The following MYO1E variants were observed in gnomAD, a reference collection of about 807,000 sequenced individuals.
MYO1E encodes unconventional myosin-Ie.
In MYO1E, 68 loss-of-function variants were observed where a neutral mutation model predicts 151.1. The observed-to-expected ratio is 0.45, with a 90% CI of 0.37 to 0.55. The LOEUF (loss-of-function observed/expected upper bound fraction) is 0.55. Ranked by LOEUF, MYO1E falls within the 20% of genes least tolerant of loss-of-function variation. The pLI, the probability that MYO1E is intolerant of heterozygous loss-of-function variation, is 0.00. For synonymous variants in MYO1E, 601 were observed against 501.7 expected (o/e 1.20, Z -2.64); for missense variants, 1,363 against 1,389.3 (o/e 0.98, Z 0.30).
At position 59,159,473 on chromosome 15, in the gene MYO1E, G is replaced by C. The variant is rs1376518246; in HGVS notation, c.2786-1094C>G. Among the ~76,000 whole-genome samples the C allele has an allele frequency of 6.6e-6, 1 of 152,256 alleles. No individual in the cohort carries two copies. The highest frequency in any genetic ancestry group is 1.5e-5 in the Non-Finnish European group (1 of 68,040). ...AGGCCAACAGGAGGCACTGGAAGGAGACTGGAGTGTCAGGAGGGAGGTGGG... is the reference window on the plus strand; with the variant it reads ...AGGCCAACAGGAGGCACTGGAAGGACACTGGAGTGTCAGGAGGGAGGTGGG... On this transcript the variant is annotated intron_variant, in intron 24 of 27. Coordinates refer to ENST00000288235, the MANE Select transcript of MYO1E (RefSeq NM_004998.4). The surrounding 1 kb of genome is among the most constrained non-coding windows in gnomAD (Gnocchi z 4.4).
intron 26 of MYO1E, among the ~76,000 whole-genome samples, chr15:59,142,823 A>G (rs2079418454): frequency 1.3e-5 from 2 of 151,302 alleles, no homozygotes; most frequent in African/African-American, 4.9e-5. Flanking sequence ...GAAACTCACA[A>G]TGATTTCCCC....
chr15:59,372,780 G>A lies in MYO1E; in HGVS notation c.-280C>T, dbSNP rs912215971. 1.9e-6 allele frequency: 1 copy of A among 534,054 alleles called. No individual in the cohort carries two copies. The highest frequency in any genetic ancestry group is 2.4e-5 in the South Asian group (1 of 40,984). 33.1% of individuals were successfully genotyped at this position (534,054 alleles called of 1,614,324 possible). A position where few individuals can be genotyped will look rare whatever the true frequency, so the allele number is the denominator to read the frequency against. On this transcript the variant is annotated 5_prime_UTR_variant, in exon 1 of 28. Transcript: ENST00000288235. ...TACTCGCCGGTCGCCGCCGGCCCAG[G>A]TGAGTCCGATGCGCTCGGAGCGTCC... is the stretch of plus-strand genomic sequence containing the variant.
chr15:59,191,424 CTT>C lies in MYO1E; in HGVS notation c.1806-3210_1806-3209del, dbSNP rs2079734050. ...TTAAATTGAAAAATAATTAATTTTC[CTT>C]TCTCTCACCCTCCAAATCTAAAACT... On this transcript the variant is annotated intron_variant, in intron 17 of 27. Transcript: ENST00000288235. Among the ~76,000 whole-genome samples, 5 of 150,120 alleles carry C rather than the reference CTT, an allele frequency of 3.3e-5. No homozygotes were observed. The South Asian group carries it at 1.0e-3, about 31-fold the overall frequency.
intron 21 of MYO1E, among the ~76,000 whole-genome samples, chr15:59,173,419 C>A (rs935958800): frequency 8.1e-5 from 12 of 148,836 alleles, no homozygotes; most frequent in South Asian, 4.3e-4. Context: ...GTATTACTAT[C>A]GAAAATTCTC....
At chr15:59,218,621 T>C (rs1454828054) in intron 9 of MYO1E, among the ~76,000 whole-genome samples, 1 of 152,126 alleles carries the variant, frequency 6.6e-6, no homozygotes, top group African/African-American at 2.4e-5. Context: ...GAGGAAAAGA[T>C]AGAAAATATG....
At chr15:59,265,008 C>A (rs2080245176) in intron 2 of MYO1E, 1 of 152,150 alleles carries the variant, frequency 6.6e-6, no homozygotes, top group African/African-American at 2.4e-5. Context: ...AGAGCCAGAC[C>A]CTGGCTCCCA....
chr15:59,232,277 G>T (rs2080032891), intron 5 of MYO1E, among the ~76,000 whole-genome samples: 1 of 152,184 alleles, frequency 6.6e-6, no homozygotes, highest in African/African-American at 2.4e-5. Context: ...TGGAAATATA[G>T]CCTGGTGTTT....
At chr15:59,362,248 T>C (rs2080890024) in intron 1 of MYO1E, among the ~76,000 whole-genome samples, 1 of 152,254 alleles carries the variant, frequency 6.6e-6, no homozygotes, top group South Asian at 2.1e-4. Context: ...TTTTCTTACA[T>C]GGTTTCAGAT....
At chr15:59,155,133 G>A (rs1490385145) in intron 25 of MYO1E, among the ~76,000 whole-genome samples, 2 of 152,146 alleles carry the variant, frequency 1.3e-5, no homozygotes, top group African/African-American at 4.8e-5. Flanking sequence ...AGTGTGACAT[G>A]CCCTCGGGAT....
At chr15:59,238,968 G>A (rs1468043919) in intron 4 of MYO1E, among the ~76,000 whole-genome samples, 1 of 151,528 alleles carries the variant, frequency 6.6e-6, no homozygotes, top group Admixed American at 6.6e-5. Flanking sequence ...CACTTTGGGA[G>A]GCCAAGGTGG....
rs752138428 is a variant in MYO1E, at chr15:59,217,914, G to A, written c.1084C>T (p.Arg362Trp). The change falls in exon 10 of 28, where the codon CGG becomes TGG. Residue 362 changes from arginine to tryptophan, a missense_variant. Physicochemically the swap from Arg to Trp is moderately radical, Grantham distance 101. Coordinates refer to ENST00000288235, the MANE Select transcript of MYO1E (RefSeq NM_004998.4). ...ACATCTACCAAGAAATCAAAGACCC[G>A]GGCGTGCAGGGCCTTGGCGAGCGCA... ...RDALAKALHA[R>W]VFDFLVDSIN... The A allele has an allele frequency of 3.8e-5, 62 of 1,613,964 alleles. No homozygotes were observed. Among genetic ancestry groups the A allele is most frequent in the South Asian group, 6.6e-5 (6 of 91,084 alleles).
intron 1 of MYO1E, among the ~76,000 whole-genome samples, chr15:59,317,494 C>T (rs1202938818): frequency 6.7e-6 from 1 of 150,274 alleles, no homozygotes; most frequent in African/African-American, 2.5e-5. Flanking sequence ...CAACAAGAGA[C>T]CTCCATAAAG....
intron 10 of MYO1E, among the ~76,000 whole-genome samples, chr15:59,216,044 G>C (rs543314831): frequency 1.3e-5 from 2 of 152,204 alleles, no homozygotes; most frequent in Non-Finnish European, 2.9e-5. Context: ...AAAGTACCTA[G>C]AATAGTTCTC....
At chr15:59,340,343 C>T (rs146465852) in intron 1 of MYO1E, among the ~76,000 whole-genome samples, 141 of 151,600 alleles carry the variant, frequency 9.3e-4, no homozygotes, top group African/African-American at 3.1e-3. Flanking sequence ...CCCGCCTGAT[C>T]GTTAAATTAA....
chr15:59,332,185 T>C (rs1241236753), intron 1 of MYO1E, among the ~76,000 whole-genome samples: 1 of 152,208 alleles, frequency 6.6e-6, no homozygotes, highest in African/African-American at 2.4e-5. Context: ...ATTTTGCAAA[T>C]GAGGAACTGT....
At chr15:59,241,687 G>C (rs1465136552) in intron 4 of MYO1E, among the ~76,000 whole-genome samples, 1 of 151,888 alleles carries the variant, frequency 6.6e-6, no homozygotes, top group Non-Finnish European at 1.5e-5. Flanking sequence ...CTCGGTGACA[G>C]AGCAAGACTC....
chr15:59,172,460 A>G (rs2079601426), intron 21 of MYO1E, among the ~76,000 whole-genome samples: 1 of 152,220 alleles, frequency 6.6e-6, no homozygotes, highest in Non-Finnish European at 1.5e-5. Context: ...AATCTTCACT[A>G]CTGTTGAGAG....
At chr15:59,267,830 G>C (rs2080265625) in intron 2 of MYO1E, among the ~76,000 whole-genome samples, 1 of 152,166 alleles carries the variant, frequency 6.6e-6, no homozygotes, top group African/African-American at 2.4e-5. Flanking sequence ...TGGCAACATT[G>C]ATGACAAACA....
intron 19 of MYO1E, among the ~76,000 whole-genome samples, chr15:59,174,659 T>TATAG (rs1483748802): frequency 6.6e-6 from 1 of 152,148 alleles, no homozygotes; most frequent in Non-Finnish European, 1.5e-5. Context: ...ATGCAGCCTC[T>TATAG]AAACAGAATT....
Sources: gnomAD v4.1 joint callset for allele counts (sites outside exome capture counted in the v4.1 genomes callset) on GRCh38, gnomAD v4.1.1 for gene constraint, Gnocchi (gnomAD v3.1) non-coding constraint, MANE v1.5 for transcripts, NCBI Gene and HGNC (gene_info 2026-07-23, HGNC 2026-07-21) for gene names.